CFAP58: variants seen among roughly 807,000 people sequenced by gnomAD.
CFAP58 encodes cilia- and flagella-associated protein 58.
In CFAP58, 88 loss-of-function variants were observed where a neutral mutation model predicts 119.5. The observed-to-expected ratio is 0.74, with a 90% CI of 0.62 to 0.88. The LOEUF (loss-of-function observed/expected upper bound fraction) is 0.88, where lower values mean the gene tolerates loss of function less well. CFAP58 is among the 40% of genes least tolerant of loss of function. CFAP58 has a pLI of 0.00. For synonymous variants in CFAP58, 365 were observed against 366.3 expected, an observed-to-expected ratio of 1.00 and a Z score of 0.04; for missense variants, 990 against 1,021.2, an observed-to-expected ratio of 0.97 and a Z score of 0.42.
At chr10:104,387,952 A>G (rs1480604158) in intron 9 of CFAP58, among the ~76,000 whole-genome samples, 1 of 152,248 alleles carries the variant, frequency 6.6e-6, no homozygotes, top group African/African-American at 2.4e-5. Context: ...GATTCCAGGA[A>G]ATGAATAATA....
chr10:104,412,304 T>A (rs1274801159), intron 15 of CFAP58, among the ~76,000 whole-genome samples: 1 of 152,178 alleles, frequency 6.6e-6, no homozygotes, highest in Admixed American at 6.5e-5. Context: ...TAGTTCTCAT[T>A]AACAATGTTA....
chr10:104,398,428 A>G (rs2012202202), intron 11 of CFAP58, among the ~76,000 whole-genome samples: 1 of 152,222 alleles, frequency 6.6e-6, no homozygotes, highest in African/African-American at 2.4e-5. Context: ...TTAAATGGAG[A>G]CAGGAGTAGT....
At chr10:104,440,111 C>T (rs1323405758) in intron 15 of CFAP58, among the ~76,000 whole-genome samples, 1 of 148,086 alleles carries the variant, frequency 6.8e-6, no homozygotes, top group Admixed American at 6.6e-5. Context: ...CGTGAGCCAC[C>T]GCGCCCGGCC....
At position 104,364,768 on chromosome 10, in the gene CFAP58, C is replaced by G. The variant is rs547278811; in HGVS notation, c.476C>G (p.Thr159Arg). The G allele has an allele frequency of 1.4e-5, 22 of 1,612,448 alleles. No individual in the cohort carries two copies. The East Asian group carries it at 2.5e-4, about 18-fold the overall frequency. Residue 159 changes from threonine to arginine, a missense_variant, in exon 4 of 18, where the codon ACA (threonine) becomes AGA (arginine). By Grantham distance (71) the Thr-to-Arg change is moderately conservative. Transcript: ENST00000369704. ...TTACTGAGGTTCAAAGAAGAAGTGA[C>G]AAAGGAGAGAGACCAGCTCTTATCA... is the stretch of plus-strand genomic sequence containing the variant. ...RDLLRFKEEV[T>R]KERDQLLSEV...
At chr10:104,421,362 C>T (rs1243722828) in intron 15 of CFAP58, among the ~76,000 whole-genome samples, 1 of 152,226 alleles carries the variant, frequency 6.6e-6, no homozygotes, top group Non-Finnish European at 1.5e-5. Context: ...TGGTTGGTCG[C>T]AGCCTGAGAC....
At chr10:104,432,257 A>G (rs1480555112) in intron 15 of CFAP58, among the ~76,000 whole-genome samples, 1 of 152,246 alleles carries the variant, frequency 6.6e-6, no homozygotes, top group Non-Finnish European at 1.5e-5. Context: ...CACTATCCTT[A>G]ATATATAAAA....
Position 104,353,882 on chromosome 10 carries a change from C to T in CFAP58, c.-16C>T, listed in dbSNP as rs2014503325. ...CTCCACAGCAGCCTCTGAGGCCGCC[C>T]CCAGAGAGCATCAGGATGGCTGAGG... On this transcript the variant is annotated 5_prime_UTR_variant, in exon 1 of 18. Transcript: ENST00000369704. The T allele has an allele frequency of 2.5e-6, 4 of 1,613,060 alleles. No homozygotes were observed. The South Asian group carries it at 4.4e-5, about 18-fold the overall frequency.
At chr10:104,425,298 T>G (rs535693634) in intron 15 of CFAP58, among the ~76,000 whole-genome samples, 1 of 152,310 alleles carries the variant, frequency 6.6e-6, no homozygotes, top group East Asian at 1.9e-4. Context: ...GAGTCAATGT[T>G]CTGAGGCAGA....
chr10:104,443,119 G>C (rs974671021), intron 15 of CFAP58, among the ~76,000 whole-genome samples: 9 of 152,166 alleles, frequency 5.9e-5, no homozygotes, highest in African/African-American at 1.2e-4. Context: ...GGCCTTAAAG[G>C]CTCAAAATTC....
In CFAP58 at chr10:104,360,647, C is replaced by T. The variant is rs548771067; in HGVS notation, c.292-1376C>T. Among the ~76,000 whole-genome samples, 12 of 152,230 alleles carry T rather than the reference C, an allele frequency of 7.9e-5. No homozygotes were observed. The East Asian group carries it at 1.2e-3, about 15-fold the overall frequency. Reference sequence around the variant, plus strand: ...CTCCCTCCTCCTACTCTTCACCCTCCGAAAGGCCCCAGTGTGTGTTATTCC... The same window carrying T: ...CTCCCTCCTCCTACTCTTCACCCTCTGAAAGGCCCCAGTGTGTGTTATTCC... On this transcript the variant is annotated intron_variant, in intron 2 of 17. Transcript: ENST00000369704.
intron 15 of CFAP58, among the ~76,000 whole-genome samples, chr10:104,413,910 C>A (rs1161035111): frequency 6.6e-6 from 1 of 152,200 alleles, no homozygotes; most frequent in Non-Finnish European, 1.5e-5. Flanking sequence ...ACACTCAGAG[C>A]TACTCAAATG....
At chr10:104,411,094 A>G (rs1270375588) in intron 15 of CFAP58, among the ~76,000 whole-genome samples, 2 of 151,860 alleles carry the variant, frequency 1.3e-5, no homozygotes, top group Non-Finnish European at 2.9e-5. Context: ...CATCCACCAC[A>G]ACGCCCAGCT....
chr10:104,407,567 G>T (rs148142577), intron 15 of CFAP58, among the ~76,000 whole-genome samples: 128 of 152,240 alleles, frequency 8.4e-4, no homozygotes, highest in African/African-American at 3.0e-3. Flanking sequence ...TCTGTATTAT[G>T]GGACAATAAC....
At chr10:104,348,252 T>C in the CFAP58 span, among the ~76,000 whole-genome samples, 21 of 152,242 alleles carry the variant, frequency 1.4e-4, no homozygotes, top group African/African-American at 5.1e-4. Flanking sequence ...GGTCGATTTC[T>C]GTCAGGGCAC....
intron 15 of CFAP58, among the ~76,000 whole-genome samples, chr10:104,418,004 G>A (rs1440395708): frequency 1.3e-5 from 2 of 152,170 alleles, no homozygotes; most frequent in Non-Finnish European, 2.9e-5. Flanking sequence ...ATATACTTAA[G>A]TGATTAGAAA....
chr10:104,438,477 G>A (rs2012981174), intron 15 of CFAP58, among the ~76,000 whole-genome samples: 1 of 149,210 alleles, frequency 6.7e-6, no homozygotes, highest in Non-Finnish European at 1.5e-5. Context: ...CCGGGTTCAC[G>A]CCATTCTCCT....
chr10:104,372,268 G>A (rs536041499), intron 7 of CFAP58, among the ~76,000 whole-genome samples: 290 of 152,180 alleles, frequency 1.9e-3, no homozygotes, highest in South Asian at 5.0e-3. Context: ...CAGGAGAATC[G>A]CTTGAACCTG....
chr10:104,384,514 A>G (rs1258684663), intron 9 of CFAP58, among the ~76,000 whole-genome samples: 2 of 152,232 alleles, frequency 1.3e-5, no homozygotes, highest in Admixed American at 1.3e-4. Flanking sequence ...AAGAAAGAGA[A>G]TGGCTTCTAG....
intron 15 of CFAP58, among the ~76,000 whole-genome samples, chr10:104,435,311 A>T (rs1168625338): frequency 6.6e-6 from 1 of 152,174 alleles, no homozygotes; most frequent in Admixed American, 6.5e-5. Flanking sequence ...GCAAAACCCC[A>T]TCTCTACCAA....
Sources: gnomAD v4.1 joint callset for allele counts (sites outside exome capture counted in the v4.1 genomes callset) on GRCh38, gnomAD v4.1.1 for gene constraint, MANE v1.5 for transcripts, NCBI Gene and HGNC (gene_info 2026-07-23, HGNC 2026-07-21) for gene names.